Variants in RORA observed in about 807,000 individuals in gnomAD.
RORA encodes the protein RAR related orphan receptor A.
A neutral mutation model predicts 69.5 loss-of-function variants in RORA; 7 were observed. The ratio of observed to expected loss-of-function variants is 0.10; its 90% CI spans 0.06 to 0.19. The LOEUF (loss-of-function observed/expected upper bound fraction) is 0.19, where lower values mean the gene tolerates loss of function less well. Among genes scored for constraint, RORA ranks in the 10% least tolerant of loss-of-function variants. RORA has a pLI of 1.00. For synonymous variants in RORA, 261 were observed against 240.8 expected, an observed-to-expected ratio of 1.08 and a Z score of -0.78; for missense variants, 457 against 663.0, an observed-to-expected ratio of 0.69 and a Z score of 3.41.
intron 1 of RORA, among the ~76,000 whole-genome samples, chr15:60,866,962 C>T (rs1016187262): frequency 5.9e-5 from 9 of 151,978 alleles, no homozygotes; most frequent in Non-Finnish European, 1.0e-4. Context: ...GCCTGCAGGG[C>T]TCAAGCGATT....
intron 1 of RORA, among the ~76,000 whole-genome samples, chr15:60,957,012 T>A (rs1407226174): frequency 6.6e-6 from 1 of 152,226 alleles, no homozygotes; most frequent in Non-Finnish European, 1.5e-5. Context: ...TGCTGCTGTA[T>A]AAGTCAGGTG....
rs1010045652 is a variant in RORA, at chr15:60,801,338, G to A, written c.167-122652C>T. ...CCCTGCCCACAGGGCTCAGAGGTAA[G>A]AATATTATATAAGGAACGAATGCTG... On this transcript the variant is annotated intron_variant, in intron 1 of 10. Transcript: ENST00000335670. Among the ~76,000 whole-genome samples, 16 of 152,284 alleles carry A rather than the reference G, an allele frequency of 1.1e-4. No individual in the cohort carries two copies. The East Asian group carries it at 1.5e-3, about 15-fold the overall frequency.
intron 1 of RORA, among the ~76,000 whole-genome samples, chr15:60,801,026 G>C (rs1437367967): frequency 1.3e-5 from 2 of 152,208 alleles, no homozygotes; most frequent in Non-Finnish European, 2.9e-5. Flanking sequence ...AAAACTAGAC[G>C]TGAAGGGACT....
At chr15:60,521,204 G>T (rs766752016) in intron 3 of RORA, among the ~76,000 whole-genome samples, 2 of 151,660 alleles carry the variant, frequency 1.3e-5, no homozygotes, top group Non-Finnish European at 2.9e-5. Context: ...TTTGAACAAT[G>T]AGAAATTCCC....
intron 1 of RORA, among the ~76,000 whole-genome samples, chr15:61,179,485 T>C (rs1179260398): frequency 6.6e-6 from 1 of 152,232 alleles, no homozygotes; most frequent in East Asian, 1.9e-4. Flanking sequence ...TGCAATGGGT[T>C]TATAATATTT....
Position 61,094,912 on chromosome 15 carries a change from C to T in RORA, c.166+134141G>A, listed in dbSNP as rs117293154. On this transcript the variant is annotated intron_variant, in intron 1 of 10. Transcript: ENST00000335670. ...GAATTCAGAAAAGATGCTACTGGAG[C>T]GGGTTTCACCAGGCAGAGAAAAGGG... is the stretch of plus-strand genomic sequence containing the variant. Among the ~76,000 whole-genome samples the T allele has an allele frequency of 5.9e-3, 901 of 152,280 alleles. 9 individuals are homozygous for T. Among genetic ancestry groups the T allele is most frequent in the Non-Finnish European group, 9.8e-3 (666 of 68,018 alleles).
chr15:61,124,427 G>GC (rs1227947109), intron 1 of RORA, among the ~76,000 whole-genome samples: 2 of 152,110 alleles, frequency 1.3e-5, no homozygotes, highest in Non-Finnish European at 2.9e-5. Flanking sequence ...CACCCTCTCT[G>GC]CCCCTCTGAG....
chr15:60,962,734 G>A (rs1180365182), intron 1 of RORA, among the ~76,000 whole-genome samples: 1 of 152,178 alleles, frequency 6.6e-6, no homozygotes, highest in African/African-American at 2.4e-5. Context: ...CAGGAGCCAA[G>A]GGTTGTAACA....
Position 60,956,556 on chromosome 15 carries a change from G to A in RORA, c.166+272497C>T, listed in dbSNP as rs889684074. On this transcript the variant is annotated intron_variant, in intron 1 of 10. Transcript: ENST00000335670. The stretch of plus-strand genomic sequence containing the variant: ...ACCCAGGTTCAAACCATGTCTGTAC[G>A]ATGCACTAGCTCTGTGATGATGCAC... Among the ~76,000 whole-genome samples, 7 of 152,186 alleles carry A rather than the reference G, an allele frequency of 4.6e-5. No individual in the cohort carries two copies. In the South Asian group the frequency reaches 8.3e-4, roughly 18 times the overall value.
chr15:60,693,431 T>C (rs570747868), intron 1 of RORA, among the ~76,000 whole-genome samples: 4 of 152,276 alleles, frequency 2.6e-5, no homozygotes, highest in African/African-American at 9.6e-5. Context: ...TTCAACATAG[T>C]ATTGGAAATT....
Position 60,603,796 on chromosome 15 carries a change from C to G in RORA, c.197-71945G>C, listed in dbSNP as rs138302901. Among the ~76,000 whole-genome samples the G allele has an allele frequency of 9.5e-4, 145 of 152,304 alleles. 1 individual carries two copies. The East Asian group carries it at 0.016, about 17-fold the overall frequency. Reference sequence around the variant, plus strand: ...GAACACTAGACAGCACTTCAGCAAGCACTGTGCTTGGGGATCATTTTAAAC... The same window carrying G: ...GAACACTAGACAGCACTTCAGCAAGGACTGTGCTTGGGGATCATTTTAAAC... On this transcript the variant is annotated intron_variant, in intron 2 of 10. Transcript: ENST00000335670.
At chr15:60,569,170 A>C (rs994740655) in intron 2 of RORA, among the ~76,000 whole-genome samples, 1 of 151,838 alleles carries the variant, frequency 6.6e-6, no homozygotes, top group South Asian at 2.1e-4. Flanking sequence ...ACTCCTTCTC[A>C]AAAGAAACCA....
At chr15:60,929,293 A>G (rs1024521875) in intron 1 of RORA, among the ~76,000 whole-genome samples, 5 of 151,976 alleles carry the variant, frequency 3.3e-5, no homozygotes, top group African/African-American at 7.3e-5. Flanking sequence ...CCCTCCCCCT[A>G]TCAAAATTTA....
intron 1 of RORA, among the ~76,000 whole-genome samples, chr15:61,009,575 G>A (rs564719767): frequency 1.1e-4 from 16 of 152,178 alleles, no homozygotes; most frequent in East Asian, 1.9e-4. Flanking sequence ...CAGATAGATC[G>A]TCTTAATGAA....
At chr15:60,750,519 C>G (rs1195631326) in intron 1 of RORA, among the ~76,000 whole-genome samples, 1 of 152,202 alleles carries the variant, frequency 6.6e-6, no homozygotes, top group Non-Finnish European at 1.5e-5. Context: ...TCAACCTTGT[C>G]TGAGTCTGGT....
chr15:60,835,535 A>C (rs1225331209), intron 1 of RORA, among the ~76,000 whole-genome samples: 2 of 152,254 alleles, frequency 1.3e-5, no homozygotes, highest in African/African-American at 4.8e-5. Context: ...GTGAGACACC[A>C]GTGAAAACGA....
intron 1 of RORA, among the ~76,000 whole-genome samples, chr15:60,697,785 C>T (rs1181575197): frequency 6.6e-6 from 1 of 152,046 alleles, no homozygotes; most frequent in African/African-American, 2.4e-5. Context: ...TTTCAAAATC[C>T]AGTGCTTTAT....
chr15:61,172,794 C>CTTAA (rs1399950762), intron 1 of RORA, among the ~76,000 whole-genome samples: 1 of 152,144 alleles, frequency 6.6e-6, no homozygotes, highest in Non-Finnish European at 1.5e-5. Context: ...AGAGGCAGAG[C>CTTAA]TTAAGTCTAA....
At chr15:60,856,556 T>C (rs2073382823) in intron 1 of RORA, among the ~76,000 whole-genome samples, 1 of 151,702 alleles carries the variant, frequency 6.6e-6, no homozygotes, top group Non-Finnish European at 1.5e-5. Context: ...AAGACAAAGA[T>C]AAGTCATCGA....
Sources: allele counts gnomAD v4.1 joint callset (sites outside exome capture counted in the v4.1 genomes callset), GRCh38; gene constraint gnomAD v4.1.1; transcripts MANE v1.5; gene names NCBI Gene and HGNC (gene_info 2026-07-23, HGNC 2026-07-21).